WTAP: variants seen among roughly 807,000 people sequenced by gnomAD.
The protein encoded by WTAP is pre-mRNA-splicing regulator WTAP.
A neutral mutation model predicts 50.0 loss-of-function variants in WTAP; 8 were observed. The ratio of observed to expected loss-of-function variants is 0.16; its 90% CI spans 0.09 to 0.29. The LOEUF (loss-of-function observed/expected upper bound fraction) is 0.29. Ranked by LOEUF, WTAP falls within the 10% of genes least tolerant of loss-of-function variation. The pLI is 1.00. For synonymous variants in WTAP, 194 were observed against 169.0 expected, an observed-to-expected ratio of 1.15 and a Z score of -1.15; for missense variants, 295 against 470.7, an observed-to-expected ratio of 0.63 and a Z score of 3.45.
chr6:159,751,938 A>G (rs984469124), intron 6 of WTAP, among the ~76,000 whole-genome samples: 3 of 151,916 alleles, frequency 2.0e-5, no homozygotes, highest in Non-Finnish European at 2.9e-5. Context: ...GTGCACACCT[A>G]TAGTCCCCAG....
intron 7 of WTAP, 116 bp downstream of exon 7, chr6:159,753,730 T>C: frequency 1.6e-6 from 2 of 1,273,526 alleles, no homozygotes; most frequent in Non-Finnish European, 2.1e-6. Flanking sequence ...TGCCCTATGA[T>C]TGTATATTAT....
chr6:159,730,395 G>T (rs1778494456), intron 1 of WTAP, among the ~76,000 whole-genome samples: 1 of 151,972 alleles, frequency 6.6e-6, no homozygotes, highest in East Asian at 1.9e-4. Flanking sequence ...TTGCCTTTAT[G>T]AATCTAGAAT....
chr6:159,755,118 G>A lies in WTAP; in HGVS notation c.698G>A (p.Arg233His), dbSNP rs772493987. 16 of 1,614,168 alleles carry A rather than the reference G, an allele frequency of 9.9e-6. No individual in the cohort carries two copies. The highest frequency in any genetic ancestry group is 1.3e-5 in the Non-Finnish European group (15 of 1,180,036). Residue 233 changes from arginine to histidine, a missense_variant, in exon 8 of 8, where the codon CGC (arginine) becomes CAC (histidine). This residue lies in a region of WTAP where 120 missense variants were observed against 287.6 expected (regional missense o/e 0.42). Coordinates refer to ENST00000621533, the MANE Select transcript of WTAP (RefSeq NM_001270531.2). ...CTGCAGCAGCAGCTGAAGGAGACAC[G>A]CCAGCAGTTGGCTCAGTACCAGCAG... ...LVLQQQLKET[R>H]QQLAQYQQQQ...
At chr6:159,746,514 A>G (rs1037930397) in intron 5 of WTAP, among the ~76,000 whole-genome samples, 3 of 152,154 alleles carry the variant, frequency 2.0e-5, no homozygotes, top group African/African-American at 7.2e-5. Context: ...ATACTAACTC[A>G]TCCATTTGAT....
chr6:159,749,418 A>G (rs1779741787), intron 6 of WTAP: 1 of 972,106 alleles, frequency 1.0e-6, no homozygotes, highest in Admixed American at 7.3e-5. Context: ...TGTGCCTTGA[A>G]ATAGTTGGTT....
chr6:159,736,323 G>T, intron 2 of WTAP, 28 bp downstream of exon 2: 1 of 1,582,648 alleles, frequency 6.3e-7, no homozygotes, highest in Non-Finnish European at 8.6e-7. Flanking sequence ...GGGTTTTTTT[G>T]TTTTGTTTTG....
intron 1 of WTAP, among the ~76,000 whole-genome samples, chr6:159,732,175 T>TC (rs1436095320): frequency 1.3e-5 from 2 of 152,140 alleles, no homozygotes; most frequent in Admixed American, 6.5e-5. Flanking sequence ...TTGAAAAAAA[T>TC]CCAAATATAA....
rs751211863 is a variant in WTAP at position 159,755,713 on chromosome 6, G to T, written c.*102G>T. The stretch of plus-strand genomic sequence containing the variant: ...TGTCACAATTTGCCTTTTTGTGGGT[G>T]TACGTTTTGGTTTTTTTTTGTTGTT... On this transcript the variant is annotated 3_prime_UTR_variant, in exon 8 of 8. Transcript: ENST00000621533. The T allele has an allele frequency of 4.9e-6, 5 of 1,014,204 alleles. No homozygotes were observed. The highest frequency in any genetic ancestry group is 7.2e-5 in the Admixed American group (1 of 13,942). 62.8% of individuals were successfully genotyped at this position (1,014,204 alleles called of 1,614,324 possible).
At chr6:159,740,042 G>C (rs1779156153) in intron 3 of WTAP, among the ~76,000 whole-genome samples, 1 of 151,812 alleles carries the variant, frequency 6.6e-6, no homozygotes, top group African/African-American at 2.4e-5. Context: ...TAATAGAGGT[G>C]AGGTGCTGCT....
chr6:159,728,239 T>TAA (rs1336528773), intron 1 of WTAP, among the ~76,000 whole-genome samples: 1 of 152,246 alleles, frequency 6.6e-6, no homozygotes, highest in East Asian at 1.9e-4. Context: ...ATCCAAGTCT[T>TAA]ACCTTGGATC....
At chr6:159,727,373 C>CTGGCAGGAGGCGGGAGGCGGGAGGCGGG, upstream of WTAP, 3 of 623,034 alleles carry the variant, frequency 4.8e-6, no homozygotes, top group Non-Finnish European at 6.2e-6. Context: ...AGCGGGGAGG[C>CTGGCAGGAGGCGGGAGGCGGGAGGCGGG]TGGCGGGAGG....
At position 159,755,503 on chromosome 6, in the gene WTAP, C is replaced by A; in HGVS notation, c.1083C>A (p.Asp361Glu). The stretch of plus-strand genomic sequence containing the variant: ...CAAATGACACAGACTCCAGTCATGA[C>A]CCTCAAGAGGAGAAAGCAGTGAGTG... ...HQSNDTDSSH[D>E]PQEEKAVSGK... The change falls in exon 8 of 8, where the codon GAC becomes GAA. Residue 361 changes from aspartate to glutamate, a missense_variant. By Grantham distance (45) the Asp-to-Glu change is conservative (BLOSUM62 2). Coordinates refer to ENST00000621533, the MANE Select transcript of WTAP (RefSeq NM_001270531.2). The A allele has an allele frequency of 6.2e-7, 1 of 1,614,132 alleles. No homozygotes were observed. Among genetic ancestry groups the A allele is most frequent in the Non-Finnish European group, 8.5e-7 (1 of 1,180,034 alleles).
upstream of WTAP, chr6:159,727,169 G>T (rs1021875840): frequency 9.2e-6 from 11 of 1,201,508 alleles, no homozygotes; most frequent in African/African-American, 3.2e-5. Context: ...CTCGCGCCAG[G>T]CTCCTGGGAA....
At chr6:159,726,887 C>T (rs1562445921), upstream of WTAP, 11 of 1,289,058 alleles carry the variant, frequency 8.5e-6, no homozygotes, top group South Asian at 2.5e-5. Flanking sequence ...GCCCGCGGCT[C>T]GCCGCCCACG....
At chr6:159,744,665 A>G (rs1016760848) in intron 5 of WTAP, among the ~76,000 whole-genome samples, 5 of 152,200 alleles carry the variant, frequency 3.3e-5, no homozygotes, top group South Asian at 2.1e-4. Context: ...ACTTCTTCAC[A>G]TTTTACTTTG....
intron 6 of WTAP, among the ~76,000 whole-genome samples, chr6:159,749,807 A>G (rs1779756177): frequency 6.6e-6 from 1 of 152,214 alleles, no homozygotes; most frequent in Non-Finnish European, 1.5e-5. Flanking sequence ...TAGATAAATG[A>G]GGCATTATTT....
intron 3 of WTAP, chr6:159,741,883 C>T (rs1008484513): frequency 9.4e-6 from 4 of 427,738 alleles, no homozygotes; most frequent in African/African-American, 2.1e-5. Context: ...GCAGGGACAT[C>T]GCTTGAGCCC....
chr6:159,742,195 TG>T, intron 4 of WTAP, 49 bp downstream of exon 4: 14 of 1,444,124 alleles, frequency 9.7e-6, no homozygotes, highest in East Asian at 2.3e-5. Flanking sequence ...TCCTTTTGAT[TG>T]TTAAAATCAA....
At chr6:159,732,827 G>C (rs1260089951) in intron 1 of WTAP, among the ~76,000 whole-genome samples, 1 of 151,650 alleles carries the variant, frequency 6.6e-6, no homozygotes, top group Non-Finnish European at 1.5e-5. Flanking sequence ...GCAGGGGGAG[G>C]GGGAGTGTCT....
Sources: gnomAD v4.1 joint callset for allele counts (sites outside exome capture counted in the v4.1 genomes callset) on GRCh38, gnomAD v4.1.1 for gene constraint, gnomAD v4.1.1 regional missense constraint, MANE v1.5 for transcripts, NCBI Gene and HGNC (gene_info 2026-07-23, HGNC 2026-07-21) for gene names.